USPL1: variants seen among roughly 807,000 people sequenced by gnomAD.
USPL1 encodes the protein SUMO-specific isopeptidase USPL1.
In USPL1, 27 loss-of-function variants were observed where a neutral mutation model predicts 51.5. The ratio of observed to expected loss-of-function variants is 0.52; its 90% confidence interval spans 0.39 to 0.72. USPL1 has a LOEUF of 0.72. Among genes scored for constraint, USPL1 ranks in the 30% least tolerant of loss-of-function variants. The pLI is 0.00. For synonymous variants in USPL1, 451 were observed against 459.6 expected (o/e 0.98, Z 0.24); for missense variants, 1,226 against 1,268.0 (o/e 0.97, Z 0.50).
Position 30,658,324 on chromosome 13 carries a change from AAATC to A in USPL1, c.2249_2252del (p.Asn750ArgfsTer13). 6.2e-7 allele frequency: 1 copy of A among 1,614,066 alleles called. No individual in the cohort carries two copies. The highest frequency in any genetic ancestry group is 8.5e-7 in the Non-Finnish European group (1 of 1,180,036). On this transcript the variant is annotated frameshift_variant, in exon 9 of 9. Coordinates refer to ENST00000255304, the MANE Select transcript of USPL1 (RefSeq NM_005800.5). LOFTEE classifies it low-confidence loss of function (END_TRUNC). ...CATTACAGAATCAGTCTCTGAAAGA[AAATC>A]AGAAGAAGCCATTTGTGGGAAGTTG...
chr13:30,627,929 G>A (rs1469002406), intron 3 of USPL1, among the ~76,000 whole-genome samples: 4 of 151,794 alleles, frequency 2.6e-5, no homozygotes, highest in African/African-American at 9.7e-5. Flanking sequence ...CCAGGCTGGA[G>A]TGTAGTGGCA....
rs1221531361 is a variant in USPL1, at chr13:30,657,546, C to T, written c.1469C>T (p.Ser490Leu). The change falls in exon 9 of 9, where the codon TCA becomes TTA. Residue 490 changes from serine (S) to leucine (L), a missense_variant. Transcript: ENST00000255304. ...CACAAGAAATTTGAAGTTCCTGCTT[C>T]AGAGATACATATTGTTATTTGGGAA... ...ERHKKFEVPA[S>L]EIHIVIWERK... is the part of the protein sequence containing the mutation. The T allele has an allele frequency of 1.2e-6, 2 of 1,613,604 alleles. No homozygotes were observed. The highest frequency in any genetic ancestry group is 1.7e-6 in the Non-Finnish European group (2 of 1,179,932).
chr13:30,646,864 T>C (rs1003390484), intron 6 of USPL1, 68 bp from the exon 7 acceptor site: 19 of 1,527,148 alleles, frequency 1.2e-5, no homozygotes, highest in Non-Finnish European at 2.7e-6. Flanking sequence ...GGAATACTTT[T>C]AGACATTGGT....
intron 3 of USPL1, among the ~76,000 whole-genome samples, chr13:30,623,334 C>T (rs1950668536): frequency 6.6e-6 from 1 of 151,996 alleles, no homozygotes; most frequent in African/African-American, 2.4e-5. Flanking sequence ...CAAGTAGGGT[C>T]TTATAAGCCA....
intron 4 of USPL1, among the ~76,000 whole-genome samples, chr13:30,636,437 A>G (rs1360896249): frequency 1.3e-5 from 2 of 152,188 alleles, no homozygotes; most frequent in Non-Finnish European, 2.9e-5. Context: ...CATTAGGGAA[A>G]CATATAAGCA....
At chr13:30,622,012 C>T (rs1950653351) in intron 3 of USPL1, 120 bp downstream of exon 3, 1 of 661,908 alleles carries the variant, frequency 1.5e-6, no homozygotes, top group African/African-American at 1.9e-5. Context: ...AATATGTAAT[C>T]TCAGTTTGTA....
chr13:30,642,799 TCCA>T (rs1950966452), intron 6 of USPL1, 42 bp downstream of exon 6: 1 of 1,593,950 alleles, frequency 6.3e-7, no homozygotes, highest in Non-Finnish European at 8.5e-7. Context: ...TTCTAGTTTC[TCCA>T]CCACTAAGGT....
intron 7 of USPL1, 66 bp from the exon 8 acceptor site, chr13:30,653,082 A>T: frequency 6.8e-7 from 1 of 1,464,498 alleles, no homozygotes; most frequent in Non-Finnish European, 9.2e-7. Context: ...CACTTCAGAC[A>T]TCTTTTGTAT....
chr13:30,642,505 G>A lies in USPL1; in HGVS notation c.983-123G>A, dbSNP rs534703463. ...CTCCCAACTCTGAGTGACTTATTGTGTCATACTGTATTAACACATATTCAT... is the reference window on the plus strand; with the variant it reads ...CTCCCAACTCTGAGTGACTTATTGTATCATACTGTATTAACACATATTCAT... On this transcript the variant is annotated intron_variant, in intron 5 of 8. Transcript: ENST00000255304. The A allele has an allele frequency of 1.0e-4, 123 of 1,180,152 alleles. No individual in the cohort carries two copies. The South Asian group carries it at 1.8e-3, about 17-fold the overall frequency. The allele number at this position is 1,180,152 out of a possible 1,614,324, so 73.1% of individuals were successfully genotyped here. A position where few individuals can be genotyped will look rare whatever the true frequency, so the allele number is the denominator to read the frequency against.
intron 1 of USPL1, among the ~76,000 whole-genome samples, chr13:30,620,609 G>A (rs889592062): frequency 2.0e-5 from 3 of 152,176 alleles, no homozygotes; most frequent in African/African-American, 7.2e-5. Flanking sequence ...AAGTATTAAT[G>A]TTGGTAGTTG....
At position 30,621,059 on chromosome 13, in the gene USPL1, C is replaced by CTT; in HGVS notation, c.-68-6_-68-5dup. The CTT allele has an allele frequency of 8.8e-7, 1 of 1,130,654 alleles. No homozygotes were observed. The highest frequency in any genetic ancestry group is 2.5e-5 in the East Asian group (1 of 40,146). The allele number at this position is 1,130,654 out of a possible 1,614,324, so 70.0% of individuals were successfully genotyped here. Reference sequence around the variant, plus strand: ...GAATTTTTATTTAATTGTCTATTGACTTTTTTTTTCCAGGGTTCATTGAAA... The same window carrying CTT: ...GAATTTTTATTTAATTGTCTATTGACTTTTTTTTTTTCCAGGGTTCATTGAAA... On this transcript the variant is annotated splice_polypyrimidine_tract_variant and intron_variant, in intron 1 of 8. Coordinates refer to ENST00000255304, the MANE Select transcript of USPL1 (RefSeq NM_005800.5).
At chr13:30,655,288 T>G (rs1951147100) in intron 8 of USPL1, among the ~76,000 whole-genome samples, 2 of 152,316 alleles carry the variant, frequency 1.3e-5, no homozygotes, top group African/African-American at 4.8e-5. Flanking sequence ...TTTTTCTTTT[T>G]GGGGAATGTG....
chr13:30,655,405 C>T (rs1279328945), intron 8 of USPL1, among the ~76,000 whole-genome samples: 2 of 152,160 alleles, frequency 1.3e-5, no homozygotes, highest in African/African-American at 4.8e-5. Flanking sequence ...GAAGTGACAA[C>T]TAAGGAAAGG....
intron 6 of USPL1, among the ~76,000 whole-genome samples, chr13:30,644,042 T>C (rs1950984238): frequency 6.6e-6 from 1 of 151,940 alleles, no homozygotes; most frequent in Non-Finnish European, 1.5e-5. Flanking sequence ...CCCAGCACTT[T>C]GGTAGGCCGA....
chr13:30,637,880 T>G (rs1403138480), intron 5 of USPL1, 23 bp downstream of exon 5: 1 of 1,520,770 alleles, frequency 6.6e-7, no homozygotes, highest in Non-Finnish European at 9.1e-7. Flanking sequence ...TAAAACTTAC[T>G]TGTATTATAC....
Position 30,621,235 on chromosome 13 carries a change from GA to G in USPL1, c.99del (p.Asn34IlefsTer22). ...TCACTCCACATGGTGGGGTATTTGGGAAAAGTTAGTGAACTTATTTTTTGCC... is the reference window on the plus strand; with the variant it reads ...TCACTCCACATGGTGGGGTATTTGGGAAAGTTAGTGAACTTATTTTTTGCC... ...ISSLHMVGYL[G>X]KNFDSAKVPS... On this transcript the variant is annotated frameshift_variant, in exon 2 of 9. Coordinates refer to ENST00000255304, the MANE Select transcript of USPL1 (RefSeq NM_005800.5). LOFTEE classifies it high-confidence loss of function. 6.3e-7 allele frequency: 1 copy of G among 1,582,884 alleles called. No homozygotes were observed. The highest frequency in any genetic ancestry group is 1.9e-5 in the Admixed American group (1 of 53,956).
At chr13:30,628,113 C>T (rs1452424363) in intron 3 of USPL1, among the ~76,000 whole-genome samples, 1 of 143,320 alleles carries the variant, frequency 7.0e-6, no homozygotes, top group Non-Finnish European at 1.5e-5. Context: ...CCAGGCTGGT[C>T]TCGAACTCCT....
chr13:30,631,542 C>G (rs1950806237), intron 4 of USPL1, 68 bp downstream of exon 4: 14 of 1,453,532 alleles, frequency 9.6e-6, no homozygotes, highest in Non-Finnish European at 1.3e-5. Context: ...ATTCTGTCAC[C>G]CAGGCTGGAG....
intron 3 of USPL1, among the ~76,000 whole-genome samples, chr13:30,623,020 C>T (rs1950664462): frequency 1.3e-5 from 2 of 151,898 alleles, no homozygotes; most frequent in East Asian, 3.9e-4. Context: ...AGACAGTGAA[C>T]AAGTATGTGT....
Sources: allele counts gnomAD v4.1 joint callset (sites outside exome capture counted in the v4.1 genomes callset), GRCh38; gene constraint gnomAD v4.1.1; transcripts MANE v1.5; gene names NCBI Gene and HGNC (gene_info 2026-07-23, HGNC 2026-07-21).